MIB2: variants seen among roughly 807,000 people sequenced by gnomAD.
MIB2 encodes MIB E3 ubiquitin protein ligase 2.
In MIB2, 78 loss-of-function variants were observed where a neutral mutation model predicts 96.6. That is an observed-to-expected ratio of 0.81 (90% confidence interval 0.67 to 0.97). The LOEUF (loss-of-function observed/expected upper bound fraction) is 0.97, where lower values mean the gene tolerates loss of function less well. Ranked by LOEUF, MIB2 falls within the 50% of genes least tolerant of loss-of-function variation. The probability of loss-of-function intolerance (pLI) is 0.00; values close to 1 mark genes in which losing one functional copy is unlikely to be tolerated. For synonymous variants in MIB2, 820 were observed against 629.5 expected (o/e 1.30, Z -4.53); for missense variants, 1,543 against 1,424.0 (o/e 1.08, Z -1.35).
rs752017080 is a variant in MIB2 at position 1,623,740 on chromosome 1, C to T, written c.248-34C>T. 2.3e-5 allele frequency: 35 copies of T among 1,527,264 alleles called. No homozygotes were observed. The Admixed American group carries it at 2.6e-4, about 11-fold the overall frequency. The allele number at this position is 1,527,264 out of a possible 1,614,324, so 94.6% of individuals were successfully genotyped here. A position where few individuals can be genotyped will look rare whatever the true frequency, so the allele number is the denominator to read the frequency against. ...AGGCGGGACGGGCAGGACCCGGGGG[C>T]GGGAACGCCCCTCTGACCCCACCCC... On this transcript the variant is annotated intron_variant, in intron 3 of 19. Coordinates refer to ENST00000355826, the MANE Select transcript of MIB2 (RefSeq NM_001170687.4).
In MIB2 at chr1:1,626,795, C is replaced by T. The variant is rs1222048539; in HGVS notation, c.1077+41C>T. The T allele has an allele frequency of 1.3e-6, 2 of 1,592,706 alleles. No individual in the cohort carries two copies. The highest frequency in any genetic ancestry group is 2.3e-5 in the East Asian group (1 of 44,316). The stretch of plus-strand genomic sequence containing the variant: ...ACCCCCGCCGCTAGCGCCGCTGCCC[C>T]CCACACCTGCAGCCTGCTGTGACCC... On this transcript the variant is annotated intron_variant, in intron 9 of 19. Coordinates refer to ENST00000355826, the MANE Select transcript of MIB2 (RefSeq NM_001170687.4). This position sits in a 1 kb window ranked among gnomAD's most constrained non-coding sequence, Gnocchi z 5.3.
chr1:1,628,783 G>C, intron 16 of MIB2, 61 bp downstream of exon 16: 1 of 1,337,598 alleles, frequency 7.5e-7, no homozygotes. Context: ...CAGGCTCTGG[G>C]CAGGGCCTGT....
At position 1,628,645 on chromosome 1, in the gene MIB2, C is replaced by G. The variant is rs757509018; in HGVS notation, c.2125C>G (p.Leu709Val). 10 of 1,593,808 alleles carry G rather than the reference C, an allele frequency of 6.3e-6. No homozygotes were observed. The East Asian group carries it at 2.0e-4, about 32-fold the overall frequency. The stretch of plus-strand genomic sequence containing the variant: ...GGGGGACACAGCCCTGCACGTGGCG[C>G]TGCAGCGTCATCAGCTGCTGCCCCT... ...EEGDTALHVA[L>V]QRHQLLPLVA... Residue 709 changes from leucine (L) to valine (V), a missense_variant, in exon 16 of 20, where the codon CTG (leucine) becomes GTG (valine). Transcript: ENST00000355826.
Position 1,623,635 on chromosome 1 carries a change from C to T in MIB2, c.183C>T (p.Arg61=). ...TVVVQWDQGT[R]TNYRAGYQGA... is the part of the protein sequence containing the mutation. ...TCGTGCAGTGGGACCAGGGCACGCG[C>T]ACCAACTACCGCGCCGGCTACCAGG... Residue 61 remains arginine, a synonymous_variant, in exon 3 of 20, where the codon CGC becomes CGT. Coordinates refer to ENST00000355826, the MANE Select transcript of MIB2 (RefSeq NM_001170687.4). 6.8e-7 allele frequency: 1 copy of T among 1,479,242 alleles called. No individual in the cohort carries two copies. The highest frequency in any genetic ancestry group is 1.3e-5 in the South Asian group (1 of 74,250). 91.6% of individuals were successfully genotyped at this position (1,479,242 alleles called of 1,614,324 possible). A position where few individuals can be genotyped will look rare whatever the true frequency, so the allele number is the denominator to read the frequency against.
At chr1:1,623,052 CG>C in intron 2 of MIB2, 1 of 364,398 alleles carries the variant, frequency 2.7e-6, no homozygotes, top group Non-Finnish European at 5.0e-6. Context: ...TCTCGGGGGA[CG>C]GCAGCTCTTA....
chr1:1,625,386 G>T lies in MIB2; in HGVS notation c.822G>T (p.Glu274Asp). ...TGCTGGACACTGATGTCCTGCGGGA[G>T]ATGCAGGAAGGCCACGGCGGCTGGA... ...KCLLDTDVLR[E>D]MQEGHGGWNP... Residue 274 changes from glutamate to aspartate, a missense_variant, in exon 7 of 20, where the codon GAG becomes GAT. Physicochemically the swap from Glu to Asp is conservative, Grantham distance 45. Transcript: ENST00000355826. The surrounding 1 kb of genome is among the most constrained non-coding windows in gnomAD (Gnocchi z 5.0). 6.3e-7 allele frequency: 1 copy of T among 1,588,312 alleles called. No individual in the cohort carries two copies. The highest frequency in any genetic ancestry group is 8.6e-7 in the Non-Finnish European group (1 of 1,168,108).
intron 2 of MIB2, among the ~76,000 whole-genome samples, chr1:1,619,877 G>A (rs957754246): frequency 1.3e-5 from 2 of 152,214 alleles, no homozygotes; most frequent in African/African-American, 4.8e-5. Flanking sequence ...GGGGGTTTGT[G>A]GGCCAGGGCT....
chr1:1,630,466 C>T lies in MIB2; in HGVS notation c.2804C>T (p.Ser935Phe), dbSNP rs766641594. Reference sequence around the variant, plus strand: ...CACGGCGCATGCGCCCCCTGCGGCTCCGCGCTCAGCGCCTGCCCCATCTGC... The same window carrying T: ...CACGGCGCATGCGCCCCCTGCGGCTTCGCGCTCAGCGCCTGCCCCATCTGC... ...CGHGACAPCGSALSACPICRQ... is the reference protein window; with the variant it reads ...CGHGACAPCGFALSACPICRQ... The change falls in exon 20 of 20, where the codon TCC (serine) becomes TTC (phenylalanine). Residue 935 changes from serine (S) to phenylalanine (F), a missense_variant. Ser to Phe is a radical substitution (Grantham distance 155). Transcript: ENST00000355826. 7 of 1,594,306 alleles carry T rather than the reference C, an allele frequency of 4.4e-6. No individual in the cohort carries two copies. In the South Asian group the frequency reaches 5.6e-5, roughly 13 times the overall value.
intron 4 of MIB2, 119 bp downstream of exon 4, chr1:1,624,064 TC>T: frequency 8.0e-7 from 1 of 1,255,588 alleles, no homozygotes; most frequent in Non-Finnish European, 1.1e-6. Context: ...AGCAAGTCTC[TC>T]CAGAGCCGTG....
Position 1,626,578 on chromosome 1 carries a change from G to C in MIB2, c.973-72G>C. On this transcript the variant is annotated intron_variant, in intron 8 of 19. Transcript: ENST00000355826. The surrounding 1 kb of genome is among the most constrained non-coding windows in gnomAD (Gnocchi z 5.3). The stretch of plus-strand genomic sequence containing the variant: ...CCTGTCTCGTGGAGCTCAGCAGGTT[G>C]CCCTCCTGTTGCATGAGCCTGGGCA... 3.1e-6 allele frequency: 4 copies of C among 1,285,400 alleles called. No homozygotes were observed. The highest frequency in any genetic ancestry group is 4.2e-6 in the Non-Finnish European group (4 of 949,040). 79.6% of individuals were successfully genotyped at this position (1,285,400 alleles called of 1,614,324 possible). A position where few individuals can be genotyped will look rare whatever the true frequency, so the allele number is the denominator to read the frequency against.
chr1:1,616,204 G>A, intron 1 of MIB2: 2 of 645,502 alleles, frequency 3.1e-6, no homozygotes, highest in Non-Finnish European at 3.9e-6. Context: ...GGGTGGGGGT[G>A]CCCGCCGTGC....
intron 14 of MIB2, 31 bp from the exon 15 acceptor site, chr1:1,628,242 C>T: frequency 6.2e-7 from 1 of 1,612,740 alleles, no homozygotes; most frequent in Non-Finnish European, 8.5e-7. Flanking sequence ...GGGGCAGTCC[C>T]AGGTCCCAGA....
At position 1,628,134 on chromosome 1, in the gene MIB2, A is replaced by G; in HGVS notation, c.1796A>G (p.Gln599Arg). 6.2e-7 allele frequency: 1 copy of G among 1,613,442 alleles called. No homozygotes were observed. The highest frequency in any genetic ancestry group is 8.5e-7 in the Non-Finnish European group (1 of 1,179,998). The change falls in exon 14 of 20, where the codon CAG becomes CGG. Residue 599 changes from glutamine (Q) to arginine (R), a missense_variant. Coordinates refer to ENST00000355826, the MANE Select transcript of MIB2 (RefSeq NM_001170687.4). ...ATCGATGTTACCGCCACCAACAGCC[A>G]GGGTTTCACCCTGCTGCACCATGCC... ...PNIDVTATNSQGFTLLHHASL... is the reference protein window; with the variant it reads ...PNIDVTATNSRGFTLLHHASL...
chr1:1,628,428 G>T (rs1407627494), intron 15 of MIB2, 29 bp downstream of exon 15: 2 of 1,605,192 alleles, frequency 1.2e-6, no homozygotes, highest in South Asian at 2.2e-5. Context: ...CCTGCCCAAG[G>T]ACCGGGGAGC....
In MIB2 at chr1:1,629,430, G is replaced by C. The variant is rs1041269336; in HGVS notation, c.2427G>C (p.Thr809=). Residue 809 remains threonine, a synonymous_variant, in exon 18 of 20, where the codon ACG becomes ACC. Coordinates refer to ENST00000355826, the MANE Select transcript of MIB2 (RefSeq NM_001170687.4). ...GCGCGGCCCCGGGCCCCAGGCAAACGCTCGGGACCCCCAACACCGTGACGA... is the reference window on the plus strand; with the variant it reads ...GCGCGGCCCCGGGCCCCAGGCAAACCCTCGGGACCCCCAACACCGTGACGA... The part of the protein sequence containing the change: ...GGGAAPGPRQ[T]LGTPNTVTNL... The C allele has an allele frequency of 3.5e-6, 5 of 1,427,026 alleles. No individual in the cohort carries two copies. The Admixed American group carries it at 6.8e-5, about 19-fold the overall frequency. The allele number at this position is 1,427,026 out of a possible 1,614,324, so 88.4% of individuals were successfully genotyped here.
At position 1,627,315 on chromosome 1, in the gene MIB2, G is replaced by A. The variant is rs1336256087; in HGVS notation, c.1394G>A (p.Gly465Asp). ...RPEQVDTKNQ[G>D]RTALQVAAYL... ...TGGCAGGTGGACACCAAGAACCAAGGCAGGACCGCTCTGCAAGTGGCTGCC... is the reference window on the plus strand; with the variant it reads ...TGGCAGGTGGACACCAAGAACCAAGACAGGACCGCTCTGCAAGTGGCTGCC... The change falls in exon 12 of 20, where the codon GGC becomes GAC. Residue 465 changes from glycine to aspartate, a missense_variant. Coordinates refer to ENST00000355826, the MANE Select transcript of MIB2 (RefSeq NM_001170687.4). 1.9e-6 allele frequency: 3 copies of A among 1,613,228 alleles called. No homozygotes were observed. The highest frequency in any genetic ancestry group is 2.5e-6 in the Non-Finnish European group (3 of 1,179,970).
At position 1,626,694 on chromosome 1, in the gene MIB2, C is replaced by G; in HGVS notation, c.1017C>G (p.Asp339Glu). 6.2e-7 allele frequency: 1 copy of G among 1,600,478 alleles called. No individual in the cohort carries two copies. The highest frequency in any genetic ancestry group is 8.5e-7 in the Non-Finnish European group (1 of 1,173,104). ...GCGACGTGGTCCGGGTCATCGGCGA[C>G]CTTGACACAGTGAAGCGGCTGCAGG... Reference protein sequence around the residue: ...WVGDVVRVIGDLDTVKRLQAG... With the variant: ...WVGDVVRVIGELDTVKRLQAG... The change falls in exon 9 of 20, where the codon GAC becomes GAG. Residue 339 changes from aspartate (D) to glutamate (E), a missense_variant. Coordinates refer to ENST00000355826, the MANE Select transcript of MIB2 (RefSeq NM_001170687.4). The surrounding 1 kb of genome is among the most constrained non-coding windows in gnomAD (Gnocchi z 5.3).
At chr1:1,621,923 T>C (rs1408001477) in intron 2 of MIB2, among the ~76,000 whole-genome samples, 1 of 152,234 alleles carries the variant, frequency 6.6e-6, no homozygotes, top group Non-Finnish European at 1.5e-5. Flanking sequence ...CTCAGGCCCC[T>C]GAGTCAGAGC....
chr1:1,619,496 G>T (rs1644060588), intron 2 of MIB2, among the ~76,000 whole-genome samples: 1 of 152,270 alleles, frequency 6.6e-6, no homozygotes, highest in African/African-American at 2.4e-5. Context: ...AGGCGGGCAG[G>T]CATGGCTGGA....
Sources: allele counts gnomAD v4.1 joint callset (sites outside exome capture counted in the v4.1 genomes callset), GRCh38; gene constraint gnomAD v4.1.1; non-coding constraint Gnocchi (gnomAD v3.1); transcripts MANE v1.5; gene names NCBI Gene and HGNC (gene_info 2026-07-23, HGNC 2026-07-21).